The following PGGT1B variants were observed in gnomAD, a reference collection of about 807,000 sequenced individuals.
PGGT1B encodes geranylgeranyl transferase type-1 subunit beta.
Under a neutral mutation model 46.1 loss-of-function variants are expected in PGGT1B, and 30 were observed. The ratio of observed to expected loss-of-function variants is 0.65; its 90% confidence interval spans 0.49 to 0.88. The LOEUF (loss-of-function observed/expected upper bound fraction) is 0.88, where lower values mean the gene tolerates loss of function less well. Ranked by LOEUF, PGGT1B falls within the 40% of genes least tolerant of loss-of-function variation. The pLI is 0.00. For synonymous variants in PGGT1B, 170 were observed against 160.0 expected (o/e 1.06, Z -0.47); for missense variants, 376 against 455.9 (o/e 0.82, Z 1.60).
intron 6 of PGGT1B, among the ~76,000 whole-genome samples, chr5:115,230,420 G>A (rs1020697194): frequency 6.6e-6 from 1 of 151,984 alleles, no homozygotes; most frequent in African/African-American, 2.4e-5. Flanking sequence ...GAGAATTCAG[G>A]CTATTGATGT....
intron 1 of PGGT1B, among the ~76,000 whole-genome samples, chr5:115,260,427 G>C (rs1245119560): frequency 1.3e-5 from 2 of 152,066 alleles, no homozygotes; most frequent in African/African-American, 4.8e-5. Context: ...GCAATACCAG[G>C]TAAGAGTTGT....
chr5:115,257,089 A>G (rs1453991811), intron 1 of PGGT1B, among the ~76,000 whole-genome samples: 1 of 152,164 alleles, frequency 6.6e-6, no homozygotes, highest in African/African-American at 2.4e-5. Context: ...TGAAAAAGTA[A>G]CATCCCCCAA....
chr5:115,261,760 C>T (rs1206550720), intron 1 of PGGT1B, among the ~76,000 whole-genome samples: 2 of 152,136 alleles, frequency 1.3e-5, no homozygotes, highest in Non-Finnish European at 2.9e-5. Flanking sequence ...TTAAGGAAGG[C>T]CTCTCTAAAG....
intron 6 of PGGT1B, 104 bp downstream of exon 6, chr5:115,230,872 C>G: frequency 1.4e-6 from 1 of 725,766 alleles, no homozygotes; most frequent in Non-Finnish European, 2.4e-6. Context: ...TTATGCTGCA[C>G]CAAGGGTTGA....
chr5:115,214,955 C>T (rs1249569164), intron 8 of PGGT1B, among the ~76,000 whole-genome samples: 2 of 152,158 alleles, frequency 1.3e-5, no homozygotes, highest in Admixed American at 6.5e-5. Flanking sequence ...CTTTGGCTTA[C>T]GACTTTGAAA....
intron 6 of PGGT1B, among the ~76,000 whole-genome samples, chr5:115,223,133 T>G (rs924687369): frequency 4.0e-5 from 6 of 151,780 alleles, no homozygotes; most frequent in Non-Finnish European, 7.4e-5. Flanking sequence ...AAAAGAATTT[T>G]AAGGAAGAAA....
At chr5:115,221,760 C>T in intron 7 of PGGT1B, 64 bp downstream of exon 7, 1 of 1,030,796 alleles carries the variant, frequency 9.7e-7, no homozygotes, top group Non-Finnish European at 1.4e-6. Flanking sequence ...AAAGATCAAA[C>T]CTTTTTAGCA....
At chr5:115,262,590 T>A in intron 1 of PGGT1B, 122 bp downstream of exon 1, 4 of 1,105,294 alleles carry the variant, frequency 3.6e-6, no homozygotes, top group Middle Eastern at 2.5e-4. Context: ...TTGAAACCAG[T>A]CAGTGCCAAC....
chr5:115,225,438 A>T (rs552559010), intron 6 of PGGT1B, among the ~76,000 whole-genome samples: 8 of 152,324 alleles, frequency 5.3e-5, no homozygotes, highest in African/African-American at 1.9e-4. Context: ...ACAGTGTAAC[A>T]GTTATAACTT....
chr5:115,219,906 A>G (rs1026063204), intron 7 of PGGT1B, among the ~76,000 whole-genome samples: 15 of 151,896 alleles, frequency 9.9e-5, no homozygotes, highest in African/African-American at 3.6e-4. Flanking sequence ...TAGGATGGCT[A>G]TTATATTAAT....
chr5:115,262,385 T>A, intron 1 of PGGT1B: 1 of 320,152 alleles, frequency 3.1e-6, no homozygotes, highest in Non-Finnish European at 5.9e-6. Flanking sequence ...CGACAAACTT[T>A]GTCCTTTTCC....
intron 2 of PGGT1B, among the ~76,000 whole-genome samples, chr5:115,248,522 C>T (rs925126855): frequency 5.3e-5 from 8 of 152,142 alleles, no homozygotes; most frequent in African/African-American, 1.9e-4. Context: ...TTGTGTTTCC[C>T]GAATACTTCC....
chr5:115,249,262 A>G (rs543868481), intron 2 of PGGT1B, among the ~76,000 whole-genome samples: 3 of 152,252 alleles, frequency 2.0e-5, no homozygotes, highest in East Asian at 1.9e-4. Context: ...CATATATATT[A>G]TAAGTAAAGT....
chr5:115,239,663 C>T (rs1757290801), intron 3 of PGGT1B, among the ~76,000 whole-genome samples: 1 of 152,108 alleles, frequency 6.6e-6, no homozygotes, highest in Admixed American at 6.5e-5. Flanking sequence ...ATAATAATAA[C>T]ATGGGTTTAA....
chr5:115,249,555 C>A (rs1747997296), intron 2 of PGGT1B, among the ~76,000 whole-genome samples: 1 of 151,900 alleles, frequency 6.6e-6, no homozygotes, highest in Non-Finnish European at 1.5e-5. Context: ...CAGGGTAGAT[C>A]AGAATGAGTC....
At chr5:115,259,662 C>T (rs1470939461) in intron 1 of PGGT1B, among the ~76,000 whole-genome samples, 3 of 129,596 alleles carry the variant, frequency 2.3e-5, no homozygotes, top group African/African-American at 9.3e-5. Context: ...GCACTCCAGC[C>T]TGGTGACAGA....
In PGGT1B at chr5:115,212,234, C is replaced by A. The variant is rs769233234; in HGVS notation, c.*168G>T. ...ACTTCAACAAAGATTTTCTTGAAAC[C>A]CAGTATAAAGATTACTGGCTCAAGA... On this transcript the variant is annotated 3_prime_UTR_variant, in exon 9 of 9. Coordinates refer to ENST00000419445, the MANE Select transcript of PGGT1B (RefSeq NM_005023.4). 7.6e-5 allele frequency: 91 copies of A among 1,201,202 alleles called. No individual in the cohort carries two copies. The highest frequency in any genetic ancestry group is 1.7e-5 in the Non-Finnish European group (15 of 896,162). 74.4% of individuals were successfully genotyped at this position (1,201,202 alleles called of 1,614,324 possible). A position where few individuals can be genotyped will look rare whatever the true frequency, so the allele number is the denominator to read the frequency against.
Position 115,204,636 on chromosome 5 carries a change from T to A in PGGT1B, c.*7766A>T, listed in dbSNP as rs1756012352. 6.6e-6 allele frequency: 1 copy of A among 152,122 alleles called. No homozygotes were observed. The allele number at this position is 152,122 out of a possible 1,614,324, so 9.4% of individuals were successfully genotyped here. A position where few individuals can be genotyped will look rare whatever the true frequency, so the allele number is the denominator to read the frequency against. On this transcript the variant is annotated 3_prime_UTR_variant, in exon 9 of 9. Coordinates refer to ENST00000419445, the MANE Select transcript of PGGT1B (RefSeq NM_005023.4). ...ATGAGGAAACAGGCACTCTCATACC[T>A]TGTTGTTGAGTTTATGAATGGCTAC...
chr5:115,224,942 T>C (rs1178294645), intron 6 of PGGT1B, among the ~76,000 whole-genome samples: 1 of 151,968 alleles, frequency 6.6e-6, no homozygotes, highest in Non-Finnish European at 1.5e-5. Context: ...CAAAATTCTA[T>C]TTAAAAACAG....
Sources: gnomAD v4.1 joint callset for allele counts (sites outside exome capture counted in the v4.1 genomes callset) on GRCh38, gnomAD v4.1.1 for gene constraint, MANE v1.5 for transcripts, NCBI Gene and HGNC (gene_info 2026-07-23, HGNC 2026-07-21) for gene names.